Variants in INVS observed in about 807,000 individuals in gnomAD.
INVS encodes inversin, also known as inversion of embryo turning homolog.
In INVS, 86 loss-of-function variants were observed where a neutral mutation model predicts 108.8. The ratio of observed to expected loss-of-function variants is 0.79; its 90% CI spans 0.66 to 0.95. The LOEUF (loss-of-function observed/expected upper bound fraction) is 0.95. Ranked by LOEUF, INVS falls within the 40% of genes least tolerant of loss-of-function variation. The probability of loss-of-function intolerance (pLI) is 0.00; values close to 1 mark genes in which losing one functional copy is unlikely to be tolerated. For synonymous variants in INVS, 455 were observed against 473.5 expected, an observed-to-expected ratio of 0.96 and a Z score of 0.51; for missense variants, 1,169 against 1,297.4, an observed-to-expected ratio of 0.90 and a Z score of 1.52.
At chr9:100,164,760 A>G (rs140328777) in intron 3 of INVS, among the ~76,000 whole-genome samples, 157 of 152,316 alleles carry the variant, frequency 1.0e-3, no homozygotes, top group African/African-American at 3.7e-3. Flanking sequence ...CATAAATGTC[A>G]TAAATGTTTT....
At chr9:100,171,953 A>G (rs1056394822) in intron 3 of INVS, among the ~76,000 whole-genome samples, 18 of 152,196 alleles carry the variant, frequency 1.2e-4, no homozygotes, top group African/African-American at 4.1e-4. Context: ...TCTGTTTCCT[A>G]TTTTTTAAAT....
At chr9:100,247,760 T>C (rs567705171) in intron 8 of INVS, among the ~76,000 whole-genome samples, 2 of 152,280 alleles carry the variant, frequency 1.3e-5, no homozygotes, top group African/African-American at 4.8e-5. Context: ...ATAAAGACTT[T>C]AACTTTCAAA....
chr9:100,100,864 A>ATATAATATATG (rs1826903570), intron 1 of INVS, among the ~76,000 whole-genome samples: 1 of 36,532 alleles, frequency 2.7e-5, no homozygotes, highest in East Asian at 6.3e-4. Context: ...TATATATAAT[A>ATATAATATATG]TATATATTAT....
intron 3 of INVS, among the ~76,000 whole-genome samples, chr9:100,137,008 C>T (rs2118932230): frequency 6.6e-6 from 1 of 152,160 alleles, no homozygotes; most frequent in East Asian, 1.9e-4. Flanking sequence ...CCACTGTACT[C>T]CAGCCTGGTC....
At chr9:100,112,636 TACACTA>T (rs1200378963) in intron 2 of INVS, among the ~76,000 whole-genome samples, 1 of 139,472 alleles carries the variant, frequency 7.2e-6, no homozygotes, top group Non-Finnish European at 1.6e-5. Flanking sequence ...ACACATAAAA[TACACTA>T]ACACTAACAA....
chr9:100,142,571 G>A (rs112619624), intron 3 of INVS, among the ~76,000 whole-genome samples: 5 of 152,128 alleles, frequency 3.3e-5, no homozygotes, highest in South Asian at 2.1e-4. Context: ...GTGGGAGGCC[G>A]GGTTGAAGTC....
intron 5 of INVS, among the ~76,000 whole-genome samples, chr9:100,234,154 G>A (rs988696683): frequency 6.6e-6 from 1 of 152,176 alleles, no homozygotes; most frequent in South Asian, 2.1e-4. Flanking sequence ...CAGTTTATTT[G>A]CATGGAAGTG....
intron 1 of INVS, chr9:100,101,637 C>T (rs1412851657): frequency 6.6e-6 from 1 of 152,078 alleles, no homozygotes; most frequent in Non-Finnish European, 1.5e-5. Flanking sequence ...GAATTTGAAC[C>T]AATAATCCTT....
At chr9:100,153,538 A>G (rs1828874603) in intron 3 of INVS, among the ~76,000 whole-genome samples, 1 of 152,234 alleles carries the variant, frequency 6.6e-6, no homozygotes, top group African/African-American at 2.4e-5. Flanking sequence ...GTTTGACAAC[A>G]TGTTCTGATG....
chr9:100,299,555 A>AACACACACACACAC (rs55800849), intron 16 of INVS, among the ~76,000 whole-genome samples: 165 of 125,704 alleles, frequency 1.3e-3, no homozygotes, highest in African/African-American at 4.5e-3. Flanking sequence ...ATTGACACAC[A>AACACACACACACAC]ACACACACAC....
intron 11 of INVS, among the ~76,000 whole-genome samples, chr9:100,269,780 A>C (rs1240724240): frequency 6.6e-6 from 1 of 152,214 alleles, no homozygotes; most frequent in Non-Finnish European, 1.5e-5. Flanking sequence ...AGGAATCAGC[A>C]TCAGTGGTGG....
intron 3 of INVS, among the ~76,000 whole-genome samples, chr9:100,138,324 T>C (rs1000188256): frequency 2.8e-4 from 42 of 152,138 alleles, no homozygotes; most frequent in Non-Finnish European, 7.4e-5. Flanking sequence ...GAGAATCGCT[T>C]GAACCCAGTG....
intron 2 of INVS, among the ~76,000 whole-genome samples, chr9:100,118,863 G>T (rs1402028408): frequency 6.6e-6 from 1 of 152,052 alleles, no homozygotes; most frequent in African/African-American, 2.4e-5. Context: ...GTTTCACCAT[G>T]TTGACCAGGC....
intron 5 of INVS, among the ~76,000 whole-genome samples, chr9:100,238,044 A>T (rs921898037): frequency 6.6e-6 from 1 of 151,908 alleles, no homozygotes; most frequent in Non-Finnish European, 1.5e-5. Context: ...ACGCACAGCT[A>T]ATTTTTATAT....
At chr9:100,158,643 C>G (rs1226160555) in intron 3 of INVS, among the ~76,000 whole-genome samples, 1 of 152,204 alleles carries the variant, frequency 6.6e-6, no homozygotes, top group Non-Finnish European at 1.5e-5. Context: ...ATCATCTAGT[C>G]CATGCTCTGG....
chr9:100,175,293 A>G (rs964287741), intron 3 of INVS: 4 of 691,406 alleles, frequency 5.8e-6, no homozygotes, highest in Middle Eastern at 4.2e-4. Flanking sequence ...CCATCCTTGC[A>G]TATATCTTCT....
intron 3 of INVS, 78 bp downstream of exon 3, chr9:100,126,627 C>G: frequency 7.4e-7 from 1 of 1,351,118 alleles, no homozygotes; most frequent in Non-Finnish European, 1.1e-6. Flanking sequence ...ATGCAATGGA[C>G]AGATAATAAA....
chr9:100,116,768 A>G lies in INVS; in HGVS notation c.107-9615A>G. The G allele has an allele frequency of 2.9e-6, 4 of 1,373,848 alleles. No individual in the cohort carries two copies. The South Asian group carries it at 5.3e-5, about 18-fold the overall frequency. The allele number at this position is 1,373,848 out of a possible 1,614,324, so 85.1% of individuals were successfully genotyped here. A position where few individuals can be genotyped will look rare whatever the true frequency, so the allele number is the denominator to read the frequency against. On this transcript the variant is annotated intron_variant, in intron 2 of 16. Transcript: ENST00000262457. ...TTGTATAAAACCCTATGTTGTAGCC[A>G]CAGCTGGAGCCTGAGTCCGCTGCAC...
intron 3 of INVS, among the ~76,000 whole-genome samples, chr9:100,184,848 GA>G (rs1433306486): frequency 6.6e-6 from 1 of 152,094 alleles, no homozygotes; most frequent in South Asian, 2.1e-4. Flanking sequence ...TTGCATGCAG[GA>G]AAAAACAGTG....
Sources: gnomAD v4.1 joint callset for allele counts (sites outside exome capture counted in the v4.1 genomes callset) on GRCh38, gnomAD v4.1.1 for gene constraint, MANE v1.5 for transcripts, NCBI Gene and HGNC (gene_info 2026-07-23, HGNC 2026-07-21) for gene names.